Variants in CEP120 observed in about 807,000 individuals in gnomAD.
The protein encoded by CEP120 is centrosomal protein of 120 kDa.
A neutral mutation model predicts 126.5 loss-of-function variants in CEP120; 113 were observed. That is an observed-to-expected ratio of 0.89 (90% CI 0.77 to 1.04). CEP120 has a LOEUF of 1.04. Ranked by LOEUF, CEP120 falls within the 50% of genes least tolerant of loss-of-function variation. The probability of loss-of-function intolerance (pLI) is 0.00; values close to 1 mark genes in which losing one functional copy is unlikely to be tolerated. For missense variants in CEP120, 1,230 were observed against 1,155.7 expected (o/e 1.06, Z -0.93); for synonymous variants, 400 against 394.3 (o/e 1.01, Z -0.17).
chr5:123,417,081 A>G (rs749785126), intron 2 of CEP120, among the ~76,000 whole-genome samples: 1 of 152,150 alleles, frequency 6.6e-6, no homozygotes, highest in Non-Finnish European at 1.5e-5. Flanking sequence ...TCACTTATAA[A>G]TTCAATTTAT....
Position 123,418,376 on chromosome 5 carries a change from T to C in CEP120, c.189A>G (p.Lys63=). Residue 63 remains lysine (K), a synonymous_variant, in exon 2 of 20, where the codon AAA becomes AAG. Coordinates refer to ENST00000306467, the MANE Select transcript of CEP120 (RefSeq NM_001375405.1). ...ATAATCACCTGTGCTGATGAAGCGC[T>C]TTCCTGTCAATTTCCCAAGCTAACT... The part of the protein sequence containing the change: ...ATELAWEIDR[K]ALHQHRLQRT... 9 of 1,604,136 alleles carry C rather than the reference T, an allele frequency of 5.6e-6. No individual in the cohort carries two copies. Among genetic ancestry groups the C allele is most frequent in the Non-Finnish European group, 7.7e-6 (9 of 1,173,974 alleles).
At chr5:123,417,946 T>C (rs2127139765) in intron 2 of CEP120, among the ~76,000 whole-genome samples, 1 of 152,324 alleles carries the variant, frequency 6.6e-6, no homozygotes. Context: ...TTTAAAAATT[T>C]CCTGTCACAT....
rs1772040303 is a variant in CEP120 at position 123,386,665 on chromosome 5, T to A, written c.1433A>T (p.Tyr478Phe). 3 of 995,646 alleles carry A rather than the reference T, an allele frequency of 3.0e-6. No individual in the cohort carries two copies. The highest frequency in any genetic ancestry group is 4.0e-6 in the Non-Finnish European group (3 of 752,724). 61.7% of individuals were successfully genotyped at this position (995,646 alleles called of 1,614,324 possible). A position where few individuals can be genotyped will look rare whatever the true frequency, so the allele number is the denominator to read the frequency against. ...TGCACTTCCAAAGAATGGATATGAG[T>A]ACCTAGAATTTAAAAAAAAAAAAAA... The part of the protein sequence containing the change: ...IGFPINCILR[Y>F]SYPFFGSAAP... Residue 478 changes from tyrosine to phenylalanine, a missense_variant and splice_region_variant, in exon 10 of 20, where the codon TAC becomes TTC. By Grantham distance (22) the Tyr-to-Phe change is conservative. Transcript: ENST00000306467.
intron 18 of CEP120, among the ~76,000 whole-genome samples, chr5:123,361,956 AGCTC>A (rs1205896569): frequency 6.6e-6 from 1 of 151,770 alleles, no homozygotes; most frequent in African/African-American, 2.4e-5. Flanking sequence ...AATTCAACCT[AGCTC>A]TCTTGACTCC....
intron 14 of CEP120, among the ~76,000 whole-genome samples, chr5:123,381,771 T>A (rs2127046363): frequency 6.6e-6 from 1 of 152,132 alleles, no homozygotes; most frequent in Admixed American, 6.6e-5. Flanking sequence ...ACACATATTT[T>A]TTTTTAAGAG....
At chr5:123,363,711 A>G (rs1011132243) in intron 18 of CEP120, among the ~76,000 whole-genome samples, 2 of 151,514 alleles carry the variant, frequency 1.3e-5, no homozygotes, top group African/African-American at 4.8e-5. Flanking sequence ...GTATAATACC[A>G]TAACGATGTT....
At chr5:123,408,990 T>G (rs1175997818) in intron 4 of CEP120, among the ~76,000 whole-genome samples, 3 of 152,160 alleles carry the variant, frequency 2.0e-5, no homozygotes, top group Admixed American at 6.6e-5. Flanking sequence ...GAGGATCACT[T>G]GAGCCCAGGA....
Position 123,378,384 on chromosome 5 carries a change from TAG to T in CEP120, c.2146_2147del (p.Leu716AsnfsTer2). On this transcript the variant is annotated frameshift_variant, in exon 15 of 20. Transcript: ENST00000306467. LOFTEE classifies it high-confidence loss of function. ...TILEGKLQKTLIDLEKREQQL... is the reference protein window; with the variant it reads ...TILEGKLQKTXIDLEKREQQL... ...GCTGCTCTCGCTTCTCCAAGTCAAT[TAG>T]AGTTTTTTGAAGTTTTCCTTCTAGA... is the stretch of plus-strand genomic sequence containing the variant. The T allele has an allele frequency of 6.2e-7, 1 of 1,607,968 alleles. No homozygotes were observed. The highest frequency in any genetic ancestry group is 1.7e-4 in the Middle Eastern group (1 of 6,028).
chr5:123,369,019 G>GT (rs1770669347), intron 17 of CEP120, among the ~76,000 whole-genome samples: 1 of 151,628 alleles, frequency 6.6e-6, no homozygotes, highest in South Asian at 2.1e-4. Flanking sequence ...AGTCAAAAAA[G>GT]TTTGAGAACT....
chr5:123,399,450 A>C (rs1294616637), intron 4 of CEP120, among the ~76,000 whole-genome samples, 166 bp from the exon 5 acceptor site: 1 of 152,252 alleles, frequency 6.6e-6, no homozygotes, highest in Non-Finnish European at 1.5e-5. Context: ...AAGAAACCTT[A>C]CTTAACCAGC....
intron 18 of CEP120, among the ~76,000 whole-genome samples, chr5:123,353,284 T>A (rs1301105484): frequency 6.6e-6 from 1 of 151,970 alleles, no homozygotes; most frequent in Middle Eastern, 3.2e-3. Context: ...CTGTCTAGTC[T>A]TAGTTTGTTA....
chr5:123,360,789 C>A (rs952020097), intron 18 of CEP120, among the ~76,000 whole-genome samples: 1 of 151,884 alleles, frequency 6.6e-6, no homozygotes. Flanking sequence ...GCCTTTCACA[C>A]TGAATCTTCT....
intron 14 of CEP120, among the ~76,000 whole-genome samples, chr5:123,379,451 C>T (rs988163368): frequency 1.3e-5 from 2 of 152,002 alleles, no homozygotes; most frequent in African/African-American, 4.8e-5. Flanking sequence ...TCTGATATTT[C>T]TACCGTTCTC....
At chr5:123,353,428 C>G (rs895461915) in intron 18 of CEP120, among the ~76,000 whole-genome samples, 3 of 151,398 alleles carry the variant, frequency 2.0e-5, no homozygotes, top group Admixed American at 2.0e-4. Context: ...ATATCTTAAA[C>G]TTGTATCTTT....
At chr5:123,399,853 A>T (rs552270963) in intron 4 of CEP120, among the ~76,000 whole-genome samples, 1 of 152,312 alleles carries the variant, frequency 6.6e-6, no homozygotes, top group South Asian at 2.1e-4. Context: ...AGAATAAGAG[A>T]AAATCATGAA....
Position 123,391,317 on chromosome 5 carries a change from G to A in CEP120, c.831C>T (p.Asp277=). The A allele has an allele frequency of 6.2e-7, 1 of 1,613,718 alleles. No individual in the cohort carries two copies. The highest frequency in any genetic ancestry group is 2.2e-5 in the East Asian group (1 of 44,882). Reference sequence around the variant, plus strand: ...GTATTTCTGTACTTCCAAGTGACTGGTCTCCACAGCAGAGGTGAATCTAAT... The same window carrying A: ...GTATTTCTGTACTTCCAAGTGACTGATCTCCACAGCAGAGGTGAATCTAAT... ...SKLQIHLCCG[D]QSLGSTEIPL... The change falls in exon 7 of 20, where the codon GAC becomes GAT. Residue 277 remains aspartate, a synonymous_variant. Coordinates refer to ENST00000306467, the MANE Select transcript of CEP120 (RefSeq NM_001375405.1).
intron 5 of CEP120, among the ~76,000 whole-genome samples, chr5:123,398,653 AAT>A (rs1281303382): frequency 6.6e-6 from 1 of 152,184 alleles, no homozygotes; most frequent in Non-Finnish European, 1.5e-5. Flanking sequence ...AAGGGTAATA[AAT>A]TCTTTTGTTT....
chr5:123,346,428 T>C lies in CEP120; in HGVS notation c.*91A>G. On this transcript the variant is annotated 3_prime_UTR_variant, in exon 20 of 20. Transcript: ENST00000306467. ...TGCTTATAAAAAATTGAAAATACCA[T>C]TTTAAAACATCCATTTTCCTCACTT... 1.0e-6 allele frequency: 1 copy of C among 967,740 alleles called. No homozygotes were observed. Among genetic ancestry groups the C allele is most frequent in the Non-Finnish European group, 1.5e-6 (1 of 662,328 alleles). The allele number at this position is 967,740 out of a possible 1,614,324, so 59.9% of individuals were successfully genotyped here. A position where few individuals can be genotyped will look rare whatever the true frequency, so the allele number is the denominator to read the frequency against.
chr5:123,416,983 T>A (rs1440816624), intron 2 of CEP120, among the ~76,000 whole-genome samples: 1 of 152,222 alleles, frequency 6.6e-6, no homozygotes, highest in Admixed American at 6.5e-5. Flanking sequence ...TCGGAACCCC[T>A]CAACTGGCTC....
Sources: gnomAD v4.1 joint callset for allele counts (sites outside exome capture counted in the v4.1 genomes callset) on GRCh38, gnomAD v4.1.1 for gene constraint, MANE v1.5 for transcripts, NCBI Gene and HGNC (gene_info 2026-07-23, HGNC 2026-07-21) for gene names.